ADAMTS19: variants seen among roughly 807,000 people sequenced by gnomAD.
ADAMTS19 encodes the protein A disintegrin and metalloproteinase with thrombospondin motifs 19.
ADAMTS19 carries 93 observed loss-of-function variants against 153.3 expected under a neutral mutation model. The ratio of observed to expected loss-of-function variants is 0.61; its 90% CI spans 0.51 to 0.72. The LOEUF (loss-of-function observed/expected upper bound fraction) is 0.72, where lower values mean the gene tolerates loss of function less well. Ranked by LOEUF, ADAMTS19 falls within the 30% of genes least tolerant of loss-of-function variation. The pLI, the probability that ADAMTS19 is intolerant of heterozygous loss-of-function variation, is 0.00. For synonymous variants in ADAMTS19, 600 were observed against 556.6 expected (o/e 1.08, Z -1.10); for missense variants, 1,482 against 1,552.1 (o/e 0.95, Z 0.76).
chr5:129,642,349 G>A (rs997453902), intron 11 of ADAMTS19, among the ~76,000 whole-genome samples: 1 of 151,996 alleles, frequency 6.6e-6, no homozygotes, highest in Non-Finnish European at 1.5e-5. Flanking sequence ...TGACTTAGGA[G>A]AGCAACTGAG....
At chr5:129,479,143 T>C (rs1750327110) in intron 2 of ADAMTS19, among the ~76,000 whole-genome samples, 1 of 152,064 alleles carries the variant, frequency 6.6e-6, no homozygotes. Context: ...AAGCCGTATG[T>C]GTGTGTGGTG....
intron 3 of ADAMTS19, among the ~76,000 whole-genome samples, chr5:129,522,022 T>A (rs1473398583): frequency 1.3e-5 from 2 of 151,884 alleles, no homozygotes; most frequent in Admixed American, 1.3e-4. Context: ...GAGGTGTCTC[T>A]TTTTAGTTAT....
chr5:129,715,528 G>C (rs1039524979), intron 21 of ADAMTS19, among the ~76,000 whole-genome samples: 17 of 152,314 alleles, frequency 1.1e-4, no homozygotes, highest in African/African-American at 4.1e-4. Context: ...TGTAGTATCA[G>C]TGGGGCTAGG....
chr5:129,576,030 T>A (rs976635018), intron 7 of ADAMTS19, among the ~76,000 whole-genome samples: 2 of 148,384 alleles, frequency 1.3e-5, no homozygotes, highest in Non-Finnish European at 3.0e-5. Flanking sequence ...AAGCAATCCA[T>A]CTCATCATCT....
intron 7 of ADAMTS19, among the ~76,000 whole-genome samples, chr5:129,590,797 T>C (rs77017880): frequency 1.4e-3 from 207 of 152,356 alleles, no homozygotes; most frequent in African/African-American, 4.8e-3. Context: ...TCATATTATC[T>C]GGGTACCATT....
At chr5:129,508,559 A>G (rs1751335616) in intron 2 of ADAMTS19, among the ~76,000 whole-genome samples, 1 of 152,002 alleles carries the variant, frequency 6.6e-6, no homozygotes, top group Admixed American at 6.6e-5. Flanking sequence ...TCTCTAACTT[A>G]TTCTTCAAGG....
In ADAMTS19 at chr5:129,675,474, T is replaced by C. The variant is rs953703142; in HGVS notation, c.2507-4290T>C. ...TTTAGAATCCAGTCAGTTTCTATTA[T>C]ATTAGCTTTCCTTCAAGTTCACAGA... On this transcript the variant is annotated intron_variant, in intron 16 of 22. Coordinates refer to ENST00000274487, the MANE Select transcript of ADAMTS19 (RefSeq NM_133638.6). Among the ~76,000 whole-genome samples, 4 of 152,300 alleles carry C rather than the reference T, an allele frequency of 2.6e-5. No individual in the cohort carries two copies. The East Asian group carries it at 7.7e-4, about 29-fold the overall frequency.
At chr5:129,543,048 G>T (rs139005423) in intron 6 of ADAMTS19, among the ~76,000 whole-genome samples, 13,209 of 139,792 alleles carry the variant, frequency 0.094, 704 homozygotes, top group Middle Eastern at 0.16. Context: ...TTGTTGTTTT[G>T]TTTTTTTTTT....
intron 7 of ADAMTS19, among the ~76,000 whole-genome samples, chr5:129,557,227 T>G (rs1006824051): frequency 7.9e-5 from 12 of 152,330 alleles, no homozygotes; most frequent in Admixed American, 6.5e-4. Context: ...TATAGTTAAC[T>G]ATTTCTAGCT....
intron 6 of ADAMTS19, among the ~76,000 whole-genome samples, chr5:129,537,383 C>T (rs1752481143): frequency 6.6e-6 from 1 of 152,138 alleles, no homozygotes; most frequent in Non-Finnish European, 1.5e-5. Context: ...CCTCAGGGAT[C>T]TAGAACTACA....
At chr5:129,631,888 T>C (rs1301423449) in intron 10 of ADAMTS19, among the ~76,000 whole-genome samples, 1 of 152,072 alleles carries the variant, frequency 6.6e-6, no homozygotes, top group Non-Finnish European at 1.5e-5. Flanking sequence ...TTATAATTTA[T>C]TTTTTAACTC....
intron 16 of ADAMTS19, among the ~76,000 whole-genome samples, chr5:129,674,340 CTG>C (rs1478581549): frequency 1.3e-5 from 2 of 151,992 alleles, no homozygotes; most frequent in African/African-American, 2.4e-5. Context: ...TCTTTGAATA[CTG>C]TGAGATTTTT....
intron 10 of ADAMTS19, among the ~76,000 whole-genome samples, chr5:129,637,779 A>T (rs1179908245): frequency 6.6e-6 from 1 of 152,148 alleles, no homozygotes; most frequent in Non-Finnish European, 1.5e-5. Flanking sequence ...CGGGAGGTGA[A>T]GGTTGCATTG....
chr5:129,482,579 A>C (rs987146269), intron 2 of ADAMTS19, among the ~76,000 whole-genome samples: 1 of 152,192 alleles, frequency 6.6e-6, no homozygotes. Flanking sequence ...CAATTATCTA[A>C]ATTATACAAA....
intron 10 of ADAMTS19, among the ~76,000 whole-genome samples, chr5:129,623,629 G>A (rs1751886446): frequency 6.6e-6 from 1 of 152,156 alleles, no homozygotes; most frequent in Admixed American, 6.5e-5. Context: ...TATTAAAAGA[G>A]TTGTGCACTT....
chr5:129,481,017 G>T (rs2126670340), intron 2 of ADAMTS19, among the ~76,000 whole-genome samples: 1 of 152,294 alleles, frequency 6.6e-6, no homozygotes, highest in Non-Finnish European at 1.5e-5. Context: ...GTTGTTACAT[G>T]ACTGTATATG....
chr5:129,709,330 G>GA (rs201906172), intron 21 of ADAMTS19, among the ~76,000 whole-genome samples: 1 of 151,394 alleles, frequency 6.6e-6, no homozygotes, highest in Admixed American at 6.6e-5. Flanking sequence ...TGCTTTGGCT[G>GA]AAAAAAAATA....
chr5:129,557,514 C>T (rs767402979), intron 7 of ADAMTS19, among the ~76,000 whole-genome samples: 23 of 152,076 alleles, frequency 1.5e-4, no homozygotes, highest in Non-Finnish European at 2.1e-4. Flanking sequence ...GCAGGATGAT[C>T]GCTTGAACCC....
At chr5:129,561,286 G>C (rs1003070803) in intron 7 of ADAMTS19, among the ~76,000 whole-genome samples, 1 of 152,148 alleles carries the variant, frequency 6.6e-6, no homozygotes, top group Non-Finnish European at 1.5e-5. Context: ...CCTGTATGAG[G>C]AAAATGTGGC....
Sources: allele counts gnomAD v4.1 joint callset (sites outside exome capture counted in the v4.1 genomes callset), GRCh38; gene constraint gnomAD v4.1.1; transcripts MANE v1.5; gene names NCBI Gene and HGNC (gene_info 2026-07-23, HGNC 2026-07-21).